SPECC1: variants seen among roughly 807,000 people sequenced by gnomAD.
The protein encoded by SPECC1 is sperm antigen with calponin homology and coiled-coil domains 1, also known as cytospin-B.
A neutral mutation model predicts 104.1 loss-of-function variants in SPECC1; 62 were observed. The ratio of observed to expected loss-of-function variants is 0.60; its 90% CI spans 0.49 to 0.74. The LOEUF is 0.74. SPECC1 is among the 30% of genes least tolerant of loss of function. The probability of loss-of-function intolerance (pLI) is 0.00; values close to 1 mark genes in which losing one functional copy is unlikely to be tolerated. For synonymous variants in SPECC1, 513 were observed against 501.6 expected (o/e 1.02, Z -0.30); for missense variants, 1,306 against 1,310.5 (o/e 1.00, Z 0.05).
chr17:20,274,933 A>G (rs1489749762), intron 12 of SPECC1, among the ~76,000 whole-genome samples: 1 of 151,518 alleles, frequency 6.6e-6, no homozygotes, highest in Non-Finnish European at 1.5e-5. Flanking sequence ...ATATTATTAA[A>G]TAATTTAATA....
chr17:20,099,575 G>C (rs1405382807), intron 2 of SPECC1, among the ~76,000 whole-genome samples: 1 of 147,298 alleles, frequency 6.8e-6, no homozygotes, highest in Non-Finnish European at 1.5e-5. Flanking sequence ...TAGTCCTGTA[G>C]TCCCAGCTAC....
chr17:20,307,491 A>AT (rs2041802562), intron 14 of SPECC1, among the ~76,000 whole-genome samples: 1 of 152,204 alleles, frequency 6.6e-6, no homozygotes, highest in African/African-American at 2.4e-5. Context: ...TTAAAGAATG[A>AT]AAGTGAAAGG....
chr17:20,036,876 C>A (rs536955714), intron 1 of SPECC1, among the ~76,000 whole-genome samples: 1 of 152,312 alleles, frequency 6.6e-6, no homozygotes, highest in Admixed American at 6.5e-5. Context: ...AACATCCTTG[C>A]TTTGTTCCTG....
At chr17:20,022,262 G>T (rs1004322247) in intron 1 of SPECC1, among the ~76,000 whole-genome samples, 9 of 152,036 alleles carry the variant, frequency 5.9e-5, no homozygotes, top group African/African-American at 1.9e-4. Context: ...CTTTTTATTT[G>T]CATCTGTCTG....
At chr17:20,164,328 TAAAA>T in intron 3 of SPECC1, among the ~76,000 whole-genome samples, 1 of 151,898 alleles carries the variant, frequency 6.6e-6, no homozygotes, top group African/African-American at 2.4e-5. Context: ...CCCAGCTAAT[TAAAA>T]AAAATTTTTT....
intron 3 of SPECC1, among the ~76,000 whole-genome samples, chr17:20,198,186 A>G (rs369219185): frequency 1.5e-4 from 23 of 152,346 alleles, no homozygotes; most frequent in African/African-American, 4.8e-4. Flanking sequence ...TTAACACCCA[A>G]TATCAAACTG....
chr17:20,205,341 A>C lies in SPECC1; in HGVS notation c.1292A>C (p.Glu431Ala). 6.2e-7 allele frequency: 1 copy of C among 1,614,218 alleles called. No individual in the cohort carries two copies. The highest frequency in any genetic ancestry group is 8.5e-7 in the Non-Finnish European group (1 of 1,180,040). Reference sequence around the variant, plus strand: ...GAGACATCCTTTCATCAGCATCGAGAGAGGGCAGAGCAGCTAAGTCAAGAA... The same window carrying C: ...GAGACATCCTTTCATCAGCATCGAGCGAGGGCAGAGCAGCTAAGTCAAGAA... ...ILETSFHQHR[E>A]RAEQLSQENE... Residue 431 changes from glutamate to alanine, a missense_variant, in exon 4 of 15, where the codon GAG becomes GCG. Glu to Ala is a moderately radical substitution (Grantham distance 107). Around this residue, in one of 2 missense-constraint regions of SPECC1, gnomAD observed 1,177 missense variants for 1,139.9 expected, o/e 1.03. Coordinates refer to ENST00000395527, the MANE Select transcript of SPECC1 (RefSeq NM_001243439.2).
In SPECC1 at chr17:20,051,116, CTTTCTTTCTTTCTTTCT is replaced by C. The variant is rs1567813504; in HGVS notation, c.-22+41695_-22+41711del. ...TCTTTCTTTCTTTCTTTCTTTCTTTCTTTCTTTCTTTCTTTCTTTCTTTCCTTCTTTCCTTCTTTCCT... is the reference window on the plus strand; with the variant it reads ...TCTTTCTTTCTTTCTTTCTTTCTTTCTTCTTTCCTTCTTTCCTTCTTTCCT... On this transcript the variant is annotated intron_variant, in intron 1 of 14. Coordinates refer to ENST00000395527, the MANE Select transcript of SPECC1 (RefSeq NM_001243439.2). Among the ~76,000 whole-genome samples the C allele has an allele frequency of 3.3e-3, 429 of 130,640 alleles. 3 individuals carry two copies. The highest frequency in any genetic ancestry group is 0.01 in the Middle Eastern group (3 of 286). 85.7% of individuals were successfully genotyped at this position (130,640 alleles called of 152,430 possible).
At chr17:20,173,168 C>T (rs1007868487) in intron 3 of SPECC1, among the ~76,000 whole-genome samples, 3 of 152,214 alleles carry the variant, frequency 2.0e-5, no homozygotes, top group African/African-American at 7.2e-5. Flanking sequence ...ACAGTCCACT[C>T]TGGGAAACAC....
rs559575285 is a variant in SPECC1, at chr17:20,216,949, C to T, written c.1864-10464C>T. ...TGAGGCAGGAGGATCACTTGAGCCC[C>T]GGAGTTCAGCCTAAGCAACATAGCG... On this transcript the variant is annotated intron_variant, in intron 4 of 14. Transcript: ENST00000395527. Among the ~76,000 whole-genome samples the T allele has an allele frequency of 7.3e-5, 11 of 151,566 alleles. No homozygotes were observed. In the South Asian group the frequency reaches 1.9e-3, roughly 26 times the overall value.
intron 1 of SPECC1, among the ~76,000 whole-genome samples, chr17:20,025,145 A>T (rs1019496695): frequency 6.6e-6 from 1 of 152,174 alleles, no homozygotes; most frequent in Non-Finnish European, 1.5e-5. Flanking sequence ...GGACATGGGC[A>T]CACACAGAGA....
intron 3 of SPECC1, among the ~76,000 whole-genome samples, chr17:20,135,718 C>T (rs983507137): frequency 5.9e-5 from 9 of 152,188 alleles, no homozygotes; most frequent in Non-Finnish European, 8.8e-5. Flanking sequence ...TCCTACAGTG[C>T]TGGGACTACA....
intron 1 of SPECC1, among the ~76,000 whole-genome samples, chr17:20,078,712 C>G (rs1328626989): frequency 6.6e-6 from 1 of 152,036 alleles, no homozygotes; most frequent in Non-Finnish European, 1.5e-5. Flanking sequence ...ACAATACAAA[C>G]ATATTTATGT....
intron 3 of SPECC1, among the ~76,000 whole-genome samples, chr17:20,153,647 T>TGGCTCTC (rs2032210710): frequency 6.6e-6 from 1 of 152,074 alleles, no homozygotes; most frequent in Non-Finnish European, 1.5e-5. Context: ...GGAGTCCAGG[T>TGGCTCTC]TGGGTTGGGG....
At position 20,043,659 on chromosome 17, in the gene SPECC1, C is replaced by T. The variant is rs1240504861; in HGVS notation, c.-22+34235C>T. 2.0e-5 allele frequency among the ~76,000 whole-genome samples: 3 copies of T among 152,182 alleles called. 1 individual carries two copies. Among genetic ancestry groups the T allele is most frequent in the East Asian group, 3.9e-4 (2 of 5,192 alleles). On this transcript the variant is annotated intron_variant, in intron 1 of 14. Transcript: ENST00000395527. ...GGGCAGTTCCTTGATTTCTGGGCAA[C>T]ATGGGATGTCCCAGACTCACCATTT... is the stretch of plus-strand genomic sequence containing the variant.
intron 2 of SPECC1, among the ~76,000 whole-genome samples, chr17:20,104,571 C>T (rs879702099): frequency 6.6e-6 from 1 of 151,502 alleles, no homozygotes; most frequent in Non-Finnish European, 1.5e-5. Flanking sequence ...GGTGAAATCC[C>T]GTCTCTACTA....
Position 20,316,698 on chromosome 17 carries a change from T to C in SPECC1, c.*2633T>C, listed in dbSNP as rs2042044387. On this transcript the variant is annotated 3_prime_UTR_variant, in exon 15 of 15. Transcript: ENST00000395527. Reference sequence around the variant, plus strand: ...TTTTTGTGTTTTTTTTGTTGTTGTTTGTTTGTTTTTTTTTTTGAGACAGAG... The same window carrying C: ...TTTTTGTGTTTTTTTTGTTGTTGTTCGTTTGTTTTTTTTTTTGAGACAGAG... 9.5e-6 allele frequency: 1 copy of C among 105,200 alleles called. No homozygotes were observed. Among genetic ancestry groups the C allele is most frequent in the Non-Finnish European group, 1.6e-5 (1 of 62,074 alleles). 6.5% of individuals were successfully genotyped at this position (105,200 alleles called of 1,614,324 possible).
chr17:20,223,695 A>AATC (rs1555632500), intron 4 of SPECC1, among the ~76,000 whole-genome samples: 6 of 152,108 alleles, frequency 3.9e-5, no homozygotes, highest in African/African-American at 1.4e-4. Flanking sequence ...AAATTATTTC[A>AATC]ATCTCTTTAT....
rs1235422575 is a variant in SPECC1 at position 20,318,200 on chromosome 17, C to T, written c.*4135C>T. On this transcript the variant is annotated 3_prime_UTR_variant, in exon 15 of 15. Transcript: ENST00000395527. ...AAAGACAGCTGCAAAATGCAAGCCC[C>T]AGTAGAGTTGGAGAGTTTTTCAAGG... is the stretch of plus-strand genomic sequence containing the variant. 1 of 231,614 alleles carries T rather than the reference C, an allele frequency of 4.3e-6. No individual in the cohort carries two copies. The highest frequency in any genetic ancestry group is 8.5e-6 in the Non-Finnish European group (1 of 117,128). 14.3% of individuals were successfully genotyped at this position (231,614 alleles called of 1,614,324 possible). A position where few individuals can be genotyped will look rare whatever the true frequency, so the allele number is the denominator to read the frequency against.
Sources: allele counts gnomAD v4.1 joint callset (sites outside exome capture counted in the v4.1 genomes callset), GRCh38; gene constraint gnomAD v4.1.1; regional missense constraint gnomAD v4.1.1; transcripts MANE v1.5; gene names NCBI Gene and HGNC (gene_info 2026-07-23, HGNC 2026-07-21).